LIN28B: variants seen among roughly 807,000 people sequenced by gnomAD.
The protein encoded by LIN28B is lin-28 RNA binding posttranscriptional regulator B, also known as protein lin-28 homolog B.
A neutral mutation model predicts 21.9 loss-of-function variants in LIN28B; 5 were observed. The observed-to-expected ratio is 0.23, with a 90% confidence interval of 0.12 to 0.48. The LOEUF (loss-of-function observed/expected upper bound fraction) is 0.48. Among genes scored for constraint, LIN28B ranks in the 20% least tolerant of loss-of-function variants. The pLI, the probability that LIN28B is intolerant of heterozygous loss-of-function variation, is 0.98. For synonymous variants in LIN28B, 109 were observed against 111.3 expected, an observed-to-expected ratio of 0.98 and a Z score of 0.13; for missense variants, 245 against 310.5, an observed-to-expected ratio of 0.79 and a Z score of 1.58.
At chr6:105,051,474 A>C (rs1370882906) in intron 3 of LIN28B, among the ~76,000 whole-genome samples, 1 of 151,856 alleles carries the variant, frequency 6.6e-6, no homozygotes, top group Non-Finnish European at 1.5e-5. Context: ...GAGCCACGAC[A>C]ACTGTTTGTA....
chr6:105,017,700 G>T (rs1771057000), intron 2 of LIN28B, among the ~76,000 whole-genome samples: 1 of 151,626 alleles, frequency 6.6e-6, no homozygotes, highest in African/African-American at 2.4e-5. Flanking sequence ...GGTTCTTATG[G>T]ACATAAATAT....
At chr6:104,978,168 T>C (rs924680683) in intron 2 of LIN28B, among the ~76,000 whole-genome samples, 1 of 152,232 alleles carries the variant, frequency 6.6e-6, no homozygotes, top group Non-Finnish European at 1.5e-5. Flanking sequence ...CCACCTTCTT[T>C]TTTTCAGTGG....
chr6:105,059,255 C>T (rs1414576588), intron 3 of LIN28B, among the ~76,000 whole-genome samples: 2 of 150,872 alleles, frequency 1.3e-5, no homozygotes, highest in African/African-American at 2.4e-5. Flanking sequence ...TATCTCTTTT[C>T]TTGTCTTCCT....
chr6:104,981,543 T>C (rs1770226483), intron 2 of LIN28B, among the ~76,000 whole-genome samples: 2 of 152,256 alleles, frequency 1.3e-5, no homozygotes, highest in Non-Finnish European at 2.9e-5. Context: ...TTATCTCATT[T>C]GTACTGGAGA....
chr6:104,959,805 GGTT>G (rs1307854022), intron 2 of LIN28B, among the ~76,000 whole-genome samples: 1 of 151,904 alleles, frequency 6.6e-6, no homozygotes, highest in African/African-American at 2.4e-5. Context: ...ACCTTCTTTA[GGTT>G]GTTAAATTGT....
At chr6:105,011,696 A>T (rs1268493359) in intron 2 of LIN28B, among the ~76,000 whole-genome samples, 1 of 151,898 alleles carries the variant, frequency 6.6e-6, no homozygotes, top group Non-Finnish European at 1.5e-5. Context: ...CTAAAAATAC[A>T]AAAATTAGCC....
At chr6:105,006,235 G>A (rs951178418) in intron 2 of LIN28B, among the ~76,000 whole-genome samples, 4 of 152,112 alleles carry the variant, frequency 2.6e-5, no homozygotes, top group Admixed American at 1.3e-4. Context: ...ATAACACCAA[G>A]TGGCCATAAT....
chr6:104,981,286 A>G lies in LIN28B; in HGVS notation c.198+23000A>G, dbSNP rs188765358. On this transcript the variant is annotated intron_variant, in intron 2 of 3. Transcript: ENST00000345080. ...TGTTAAAAGCTTCTGTAGGGAATTG[A>G]TAATCCATGTCTTTCTGCTTTAAAG... is the stretch of plus-strand genomic sequence containing the variant. Among the ~76,000 whole-genome samples, 40 of 152,270 alleles carry G rather than the reference A, an allele frequency of 2.6e-4. No homozygotes were observed. In the East Asian group the frequency reaches 5.4e-3, roughly 21 times the overall value.
chr6:104,990,552 C>CT (rs1382808446), intron 2 of LIN28B, among the ~76,000 whole-genome samples: 47 of 140,832 alleles, frequency 3.3e-4, no homozygotes, highest in Non-Finnish European at 6.6e-4. Flanking sequence ...AAATTTTAGT[C>CT]TTGTTTTTTA....
At chr6:105,012,067 A>G (rs1770934445) in intron 2 of LIN28B, among the ~76,000 whole-genome samples, 2 of 152,108 alleles carry the variant, frequency 1.3e-5, no homozygotes, top group African/African-American at 4.8e-5. Flanking sequence ...CTGAGGCAGG[A>G]GAATTGCTTC....
chr6:104,958,780 A>G (rs1244309545), intron 2 of LIN28B, among the ~76,000 whole-genome samples: 2 of 152,216 alleles, frequency 1.3e-5, no homozygotes, highest in East Asian at 3.8e-4. Flanking sequence ...ATCATTTTGT[A>G]GATTCAGATC....
intron 3 of LIN28B, among the ~76,000 whole-genome samples, chr6:105,059,412 G>C (rs1772083084): frequency 6.6e-6 from 1 of 152,096 alleles, no homozygotes; most frequent in African/African-American, 2.4e-5. Context: ...TTTAGCTACT[G>C]TCTGTTCTTT....
chr6:104,979,373 A>C (rs1191542350), intron 2 of LIN28B, among the ~76,000 whole-genome samples: 1 of 151,884 alleles, frequency 6.6e-6, no homozygotes, highest in Non-Finnish European at 1.5e-5. Flanking sequence ...ACGCCCGGCT[A>C]ATTTTTGTAT....
chr6:105,070,186 G>A (rs1312821885), intron 3 of LIN28B, among the ~76,000 whole-genome samples: 2 of 152,134 alleles, frequency 1.3e-5, no homozygotes, highest in Admixed American at 1.3e-4. Flanking sequence ...AAAAAGTACT[G>A]ATGCTTAGGG....
chr6:105,073,279 G>A (rs1772367022), intron 3 of LIN28B, among the ~76,000 whole-genome samples: 1 of 152,120 alleles, frequency 6.6e-6, no homozygotes, highest in Non-Finnish European at 1.5e-5. Flanking sequence ...CTGTACCAAG[G>A]TTTAAAATGA....
chr6:105,019,237 C>T (rs553332825), intron 2 of LIN28B, among the ~76,000 whole-genome samples: 2 of 152,156 alleles, frequency 1.3e-5, no homozygotes, highest in East Asian at 1.9e-4. Context: ...CGTGAGCCAC[C>T]GCGCCCATCT....
chr6:104,983,871 T>C (rs1346502298), intron 2 of LIN28B, among the ~76,000 whole-genome samples: 2 of 152,162 alleles, frequency 1.3e-5, no homozygotes, highest in Non-Finnish European at 2.9e-5. Context: ...CCACCATGCC[T>C]GGTCGATTCT....
rs34394074 is a variant in LIN28B at position 104,989,576 on chromosome 6, GTTTTTTTTT to G, written c.198+31307_198+31315del. Among the ~76,000 whole-genome samples the G allele has an allele frequency of 4.5e-4, 27 of 60,602 alleles. 1 individual carries two copies. In the Admixed American group the frequency reaches 5.4e-3, roughly 12 times the overall value. The allele number at this position is 60,602 out of a possible 152,430, so 39.8% of individuals were successfully genotyped here. A position where few individuals can be genotyped will look rare whatever the true frequency, so the allele number is the denominator to read the frequency against. Reference sequence around the variant, plus strand: ...GAAACTTTATTTTTATTTTACTTGGGTTTTTTTTTTTTTTTTTTTTTTTTTGCATTTTTT... The same window carrying G: ...GAAACTTTATTTTTATTTTACTTGGGTTTTTTTTTTTTTTTTGCATTTTTT... On this transcript the variant is annotated intron_variant, in intron 2 of 3. Coordinates refer to ENST00000345080, the MANE Select transcript of LIN28B (RefSeq NM_001004317.4).
At chr6:104,993,073 A>T (rs1770527883) in intron 2 of LIN28B, among the ~76,000 whole-genome samples, 1 of 152,078 alleles carries the variant, frequency 6.6e-6, no homozygotes, top group South Asian at 2.1e-4. Context: ...TTACTCTGAG[A>T]TTATTAAACT....
Sources: gnomAD v4.1 joint callset for allele counts (sites outside exome capture counted in the v4.1 genomes callset) on GRCh38, gnomAD v4.1.1 for gene constraint, MANE v1.5 for transcripts, NCBI Gene and HGNC (gene_info 2026-07-23, HGNC 2026-07-21) for gene names.